Variants in GULP1 observed in about 807,000 individuals in gnomAD.
GULP1 encodes PTB domain-containing engulfment adapter protein 1.
A neutral mutation model predicts 40.9 loss-of-function variants in GULP1; 19 were observed. The observed-to-expected ratio is 0.46, with a 90% CI of 0.32 to 0.68. GULP1 has a LOEUF of 0.68. Among genes scored for constraint, GULP1 ranks in the 30% least tolerant of loss-of-function variants. GULP1 has a pLI of 0.03. For synonymous variants in GULP1, 119 were observed against 117.6 expected, an observed-to-expected ratio of 1.01 and a Z score of -0.08; for missense variants, 312 against 362.2, an observed-to-expected ratio of 0.86 and a Z score of 1.12.
In GULP1 at chr2:188,323,400, A is replaced by G. The variant is rs111394439; in HGVS notation, c.-172+31234A>G. On this transcript the variant is annotated intron_variant, in intron 1 of 11. Transcript: ENST00000409830. ...GAACATAGGCTGTGCTGTGGTACATATTCTTTTATATTCTAGGGACTCCAC... is the reference window on the plus strand; with the variant it reads ...GAACATAGGCTGTGCTGTGGTACATGTTCTTTTATATTCTAGGGACTCCAC... Among the ~76,000 whole-genome samples the G allele has an allele frequency of 8.9e-3, 1,353 of 152,032 alleles. 27 individuals are homozygous for G. The highest frequency in any genetic ancestry group is 0.031 in the African/African-American group (1,286 of 41,500).
chr2:188,434,848 G>A (rs940983525), intron 2 of GULP1, among the ~76,000 whole-genome samples: 3 of 151,558 alleles, frequency 2.0e-5, no homozygotes, highest in Admixed American at 1.3e-4. Context: ...GACAATTTTT[G>A]TATGCTTTCA....
At chr2:188,419,156 C>T (rs777832078) in intron 2 of GULP1, among the ~76,000 whole-genome samples, 1 of 152,202 alleles carries the variant, frequency 6.6e-6, no homozygotes, top group South Asian at 2.1e-4. Context: ...AAGTGTTGCA[C>T]TGTACATAGG....
intron 2 of GULP1, among the ~76,000 whole-genome samples, chr2:188,472,705 T>C (rs1218590741): frequency 1.3e-5 from 2 of 152,208 alleles, no homozygotes; most frequent in African/African-American, 4.8e-5. Flanking sequence ...ATCTTGAATT[T>C]CTTTGAGTTT....
At chr2:188,387,835 G>C (rs1028132484) in intron 2 of GULP1, among the ~76,000 whole-genome samples, 3 of 152,090 alleles carry the variant, frequency 2.0e-5, no homozygotes, top group Non-Finnish European at 4.4e-5. Flanking sequence ...AATTGCAGGG[G>C]AGCCAGATGA....
chr2:188,543,677 G>A (rs577510984), intron 7 of GULP1, among the ~76,000 whole-genome samples: 1 of 152,196 alleles, frequency 6.6e-6, no homozygotes, highest in East Asian at 1.9e-4. Flanking sequence ...CAAGACCAGA[G>A]ATGTTGAAGT....
intron 1 of GULP1, among the ~76,000 whole-genome samples, chr2:188,335,244 C>T (rs1443932084): frequency 6.6e-6 from 1 of 152,074 alleles, no homozygotes; most frequent in African/African-American, 2.4e-5. Context: ...TTATTTATAA[C>T]ATTAACACTT....
chr2:188,306,131 TG>T (rs2037044795), intron 1 of GULP1, among the ~76,000 whole-genome samples: 1 of 152,158 alleles, frequency 6.6e-6, no homozygotes, highest in Non-Finnish European at 1.5e-5. Flanking sequence ...TGATAAGATT[TG>T]GGTAAATATA....
intron 2 of GULP1, among the ~76,000 whole-genome samples, chr2:188,439,635 C>G (rs1344562299): frequency 6.6e-6 from 1 of 151,844 alleles, no homozygotes; most frequent in East Asian, 1.9e-4. Flanking sequence ...ATGTTATACA[C>G]CAAATTGCTA....
intron 2 of GULP1, among the ~76,000 whole-genome samples, chr2:188,451,992 G>A (rs1258749101): frequency 2.0e-5 from 3 of 152,172 alleles, no homozygotes; most frequent in African/African-American, 7.2e-5. Flanking sequence ...AAGATGTGCA[G>A]AATTAGGATG....
chr2:188,410,901 T>TA lies in GULP1; in HGVS notation c.-45+27013dup, dbSNP rs1364468571. On this transcript the variant is annotated intron_variant, in intron 2 of 11. Transcript: ENST00000409830. ...ATCTGGCTGAAGGCAGCCTAATCCT[T>TA]ACCTTGAGTAAATAACTTAAAGTAG... Among the ~76,000 whole-genome samples the TA allele has an allele frequency of 1.6e-4, 25 of 152,306 alleles. 1 individual carries two copies. The highest frequency in any genetic ancestry group is 1.4e-3 in the Admixed American group (21 of 15,304).
intron 7 of GULP1, among the ~76,000 whole-genome samples, chr2:188,557,207 C>A (rs114361034): frequency 1.3e-5 from 2 of 152,082 alleles, no homozygotes; most frequent in Non-Finnish European, 2.9e-5. Flanking sequence ...ACAATCATAC[C>A]TTTCCAGCAG....
chr2:188,494,860 G>A (rs1234150710), intron 4 of GULP1, among the ~76,000 whole-genome samples: 2 of 151,644 alleles, frequency 1.3e-5, no homozygotes, highest in Non-Finnish European at 2.9e-5. Flanking sequence ...CAGGGGCTCT[G>A]TCTTTACCTT....
intron 11 of GULP1, 180 bp downstream of exon 11, chr2:188,588,129 A>G: frequency 1.6e-6 from 1 of 625,212 alleles, no homozygotes. Context: ...TACATATGCT[A>G]AGGATAAGGT....
At chr2:188,300,096 C>T (rs1273935253) in intron 1 of GULP1, among the ~76,000 whole-genome samples, 3 of 151,934 alleles carry the variant, frequency 2.0e-5, no homozygotes, top group Non-Finnish European at 2.9e-5. Flanking sequence ...TTCTTTTTTT[C>T]CATTTCTCCA....
chr2:188,416,547 C>T (rs1411549991), intron 2 of GULP1, among the ~76,000 whole-genome samples: 3 of 152,144 alleles, frequency 2.0e-5, no homozygotes, highest in Non-Finnish European at 4.4e-5. Context: ...TTTCAGGACT[C>T]AATTGCTATG....
chr2:188,477,707 A>G lies in GULP1; in HGVS notation c.5A>G (p.Asn2Ser), dbSNP rs781725363. 6 of 1,600,006 alleles carry G rather than the reference A, an allele frequency of 3.7e-6. No individual in the cohort carries two copies. Among genetic ancestry groups the G allele is most frequent in the Non-Finnish European group, 5.1e-6 (6 of 1,173,896 alleles). The change falls in exon 3 of 12, where the codon AAC becomes AGC. Residue 2 changes from asparagine (N) to serine (S), a missense_variant. Asn to Ser is a conservative substitution (Grantham distance 46). Transcript: ENST00000409830. ...TTTATTTGGCTGATCCTCATCATGA[A>G]CCGTGCTTTTAGCAGGAAGAAAGGT... M[N>S]RAFSRKKDKT... is the part of the protein sequence containing the mutation.
intron 1 of GULP1, among the ~76,000 whole-genome samples, chr2:188,370,677 A>C (rs945978373): frequency 6.6e-6 from 1 of 152,240 alleles, no homozygotes; most frequent in Non-Finnish European, 1.5e-5. Context: ...TAAAGATTGC[A>C]TCTCACAGTG....
chr2:188,589,570 A>G (rs1703099852), intron 11 of GULP1: 1 of 396,156 alleles, frequency 2.5e-6, no homozygotes, highest in African/African-American at 2.1e-5. Context: ...TGGAGTTTTA[A>G]GGATAAGCCT....
At chr2:188,299,887 G>A (rs2106026819) in intron 1 of GULP1, among the ~76,000 whole-genome samples, 1 of 152,292 alleles carries the variant, frequency 6.6e-6, no homozygotes, top group Admixed American at 6.5e-5. Flanking sequence ...AGGTGGGATA[G>A]GCAAGAAGGC....
Sources: allele counts gnomAD v4.1 joint callset (sites outside exome capture counted in the v4.1 genomes callset), GRCh38; gene constraint gnomAD v4.1.1; transcripts MANE v1.5; gene names NCBI Gene and HGNC (gene_info 2026-07-23, HGNC 2026-07-21).